The following KHDRBS2 variants were observed in gnomAD, a reference collection of about 807,000 sequenced individuals.
The protein encoded by KHDRBS2 is KH domain-containing, RNA-binding, signal transduction-associated protein 2.
In KHDRBS2, 26 loss-of-function variants were observed where a neutral mutation model predicts 44.3. The observed-to-expected ratio is 0.59, with a 90% CI of 0.43 to 0.81. The LOEUF is 0.81. Among genes scored for constraint, KHDRBS2 ranks in the 40% least tolerant of loss-of-function variants. The pLI, the probability that KHDRBS2 is intolerant of heterozygous loss-of-function variation, is 0.00. For synonymous variants in KHDRBS2, 194 were observed against 151.1 expected (o/e 1.28, Z -2.08); for missense variants, 476 against 433.1 (o/e 1.10, Z -0.88).
intron 2 of KHDRBS2, among the ~76,000 whole-genome samples, chr6:62,167,126 G>C (rs545178463): frequency 6.6e-6 from 1 of 151,998 alleles, no homozygotes; most frequent in African/African-American, 2.4e-5. Context: ...CCCAAATAAG[G>C]TAGAAAATAT....
At chr6:61,937,069 A>G (rs1811161250) in intron 4 of KHDRBS2, among the ~76,000 whole-genome samples, 1 of 151,934 alleles carries the variant, frequency 6.6e-6, no homozygotes, top group Non-Finnish European at 1.5e-5. Context: ...GGACATGTAT[A>G]GGACCATCTT....
the KHDRBS2 span, among the ~76,000 whole-genome samples, chr6:61,591,764 C>T: frequency 6.6e-6 from 1 of 152,116 alleles, no homozygotes; most frequent in Non-Finnish European, 1.5e-5. Flanking sequence ...TTACCACAGC[C>T]CTGCTCTTTC....
Position 61,728,725 on chromosome 6 carries a change from CA to C in KHDRBS2, c.893+3956del, listed in dbSNP as rs377673125. On this transcript the variant is annotated intron_variant, in intron 7 of 8. Transcript: ENST00000281156. ...AAATGTAGGTAGATGTATTAACACA[CA>C]TGAAAGATAGATAAAAAGATGATAC... 1.8e-4 allele frequency among the ~76,000 whole-genome samples: 28 copies of C among 152,200 alleles called. 1 individual carries two copies. The East Asian group carries it at 5.0e-3, about 27-fold the overall frequency.
At chr6:62,067,068 T>C (rs1369106293) in intron 2 of KHDRBS2, among the ~76,000 whole-genome samples, 1 of 151,528 alleles carries the variant, frequency 6.6e-6, no homozygotes, top group Non-Finnish European at 1.5e-5. Flanking sequence ...GCAAACTGTT[T>C]AGTATCTCAT....
chr6:61,555,085 A>T, the KHDRBS2 span, among the ~76,000 whole-genome samples: 115,994 of 152,126 alleles, frequency 0.76, 44,391 homozygotes, highest in Non-Finnish European at 0.8. Context: ...ATGAATAATA[A>T]CCTGAAATAT....
At chr6:61,593,340 G>A in the KHDRBS2 span, among the ~76,000 whole-genome samples, 1 of 152,106 alleles carries the variant, frequency 6.6e-6, no homozygotes, top group African/African-American at 2.4e-5. Flanking sequence ...AGTTGGAAAT[G>A]TTAATCTGGA....
At chr6:61,775,906 G>A (rs1270946753) in intron 6 of KHDRBS2, among the ~76,000 whole-genome samples, 10 of 152,216 alleles carry the variant, frequency 6.6e-5, no homozygotes, top group Admixed American at 1.3e-4. Context: ...CAAGGCCACA[G>A]TAACCAAAAC....
chr6:62,062,630 T>G (rs1401694963), intron 2 of KHDRBS2, among the ~76,000 whole-genome samples: 1 of 148,420 alleles, frequency 6.7e-6, no homozygotes, highest in Non-Finnish European at 1.5e-5. Flanking sequence ...TTCAAAGCAG[T>G]GTGTAGAGGG....
At position 62,074,001 on chromosome 6, in the gene KHDRBS2, T is replaced by C. The variant is rs572600652; in HGVS notation, c.220-26007A>G. On this transcript the variant is annotated intron_variant, in intron 2 of 8. Transcript: ENST00000281156. ...ACTTTTTCTACGGAAACATATCTGC[T>C]CTGTAATATGGATCACAATCAACTC... is the stretch of plus-strand genomic sequence containing the variant. Among the ~76,000 whole-genome samples, 16 of 151,878 alleles carry C rather than the reference T, an allele frequency of 1.1e-4. 2 individuals carry two copies. The highest frequency in any genetic ancestry group is 8.6e-4 in the Admixed American group (13 of 15,200).
At chr6:62,237,925 G>C (rs1305065263) in intron 1 of KHDRBS2, among the ~76,000 whole-genome samples, 1 of 152,046 alleles carries the variant, frequency 6.6e-6, no homozygotes, top group African/African-American at 2.4e-5. Flanking sequence ...TGTAATCCCA[G>C]TTACTTGGGA....
intron 1 of KHDRBS2, among the ~76,000 whole-genome samples, chr6:62,227,021 CT>C (rs1429221888): frequency 2.0e-5 from 3 of 151,868 alleles, no homozygotes; most frequent in Non-Finnish European, 4.4e-5. Flanking sequence ...TTTTGGTTTC[CT>C]TTGAAATTTA....
chr6:61,935,767 A>T (rs994283915), intron 4 of KHDRBS2, among the ~76,000 whole-genome samples: 2 of 152,126 alleles, frequency 1.3e-5, no homozygotes, highest in East Asian at 1.9e-4. Context: ...AAATAGTAAG[A>T]TAAAACCCAT....
intron 2 of KHDRBS2, among the ~76,000 whole-genome samples, chr6:62,094,548 C>T (rs1192524795): frequency 1.3e-5 from 2 of 151,634 alleles, no homozygotes; most frequent in Non-Finnish European, 3.0e-5. Context: ...GATGTAATCC[C>T]ATTTGTTTGT....
At chr6:62,060,746 C>T (rs1193705230) in intron 2 of KHDRBS2, among the ~76,000 whole-genome samples, 3 of 151,548 alleles carry the variant, frequency 2.0e-5, no homozygotes, top group South Asian at 2.1e-4. Flanking sequence ...TGGCATTGCT[C>T]TATTGAAGAA....
chr6:62,045,187 T>A lies in KHDRBS2; in HGVS notation c.336+2691A>T, dbSNP rs535732387. Among the ~76,000 whole-genome samples the A allele has an allele frequency of 7.9e-5, 12 of 152,160 alleles. No homozygotes were observed. The South Asian group carries it at 2.5e-3, about 32-fold the overall frequency. On this transcript the variant is annotated intron_variant, in intron 3 of 8. Transcript: ENST00000281156. ...ACAATAAAGAATGAAGGTGAGCCAG[T>A]GATTGCGAATTACTTTCCAGGAGTT...
intron 2 of KHDRBS2, among the ~76,000 whole-genome samples, chr6:62,107,571 T>C (rs1803760196): frequency 6.6e-6 from 1 of 152,184 alleles, no homozygotes; most frequent in Non-Finnish European, 1.5e-5. Flanking sequence ...AATGACTTTC[T>C]TCACAGAATT....
chr6:61,852,446 C>A (rs1380408232), intron 6 of KHDRBS2, among the ~76,000 whole-genome samples: 1 of 151,734 alleles, frequency 6.6e-6, no homozygotes, highest in Non-Finnish European at 1.5e-5. Context: ...TGCCTATAGT[C>A]CCAGCTACTC....
chr6:61,767,813 T>A (rs2127574981), intron 6 of KHDRBS2, among the ~76,000 whole-genome samples: 1 of 152,298 alleles, frequency 6.6e-6, no homozygotes, highest in African/African-American at 2.4e-5. Flanking sequence ...ATTGTTTCCA[T>A]TTATATCTTA....
chr6:62,066,149 A>T (rs1355266843), intron 2 of KHDRBS2, among the ~76,000 whole-genome samples: 4 of 151,734 alleles, frequency 2.6e-5, no homozygotes, highest in Non-Finnish European at 5.9e-5. Context: ...ATTAAGTGAA[A>T]ACTATTATAT....
Sources: gnomAD v4.1 joint callset for allele counts (sites outside exome capture counted in the v4.1 genomes callset) on GRCh38, gnomAD v4.1.1 for gene constraint, MANE v1.5 for transcripts, NCBI Gene and HGNC (gene_info 2026-07-23, HGNC 2026-07-21) for gene names.